FABP6: variants seen among roughly 807,000 people sequenced by gnomAD.
FABP6 encodes gastrotropin.
Under a neutral mutation model 14.9 loss-of-function variants are expected in FABP6, and 13 were observed. That is an observed-to-expected ratio of 0.87 (90% CI 0.57 to 1.39). The LOEUF is 1.39. Ranked by LOEUF, FABP6 falls within the 40% of genes most tolerant of loss-of-function variation. The pLI, the probability that FABP6 is intolerant of heterozygous loss-of-function variation, is 0.00. For synonymous variants in FABP6, 75 were observed against 63.6 expected, an observed-to-expected ratio of 1.18 and a Z score of -0.85; for missense variants, 161 against 167.2, an observed-to-expected ratio of 0.96 and a Z score of 0.20.
chr5:160,235,469 G>A (rs116568338), intron 3 of FABP6, among the ~76,000 whole-genome samples: 2,164 of 152,252 alleles, frequency 0.014, 48 homozygotes, highest in African/African-American at 0.05. Context: ...CACACATCTG[G>A]GGACCCACTC....
chr5:160,187,479 G>A (rs1186739320), intron 1 of FABP6: 2 of 152,162 alleles, frequency 1.3e-5, no homozygotes, highest in African/African-American at 2.4e-5. Context: ...CAGGGAAGAG[G>A]GGAGGCTCCA....
intron 3 of FABP6, among the ~76,000 whole-genome samples, chr5:160,235,598 G>A (rs947614790): frequency 3.9e-5 from 6 of 152,222 alleles, no homozygotes; most frequent in South Asian, 2.1e-4. Context: ...GGGAAAAGAA[G>A]GCATTTCCAT....
chr5:160,206,840 G>C (rs939174092), intron 2 of FABP6, among the ~76,000 whole-genome samples: 3 of 152,164 alleles, frequency 2.0e-5, no homozygotes, highest in African/African-American at 7.2e-5. Context: ...GCTTGGACAT[G>C]CACGGCAGCA....
chr5:160,214,771 T>C (rs549191542), intron 3 of FABP6, among the ~76,000 whole-genome samples: 128 of 150,478 alleles, frequency 8.5e-4, no homozygotes, highest in African/African-American at 3.0e-3. Flanking sequence ...ATGGGCAACA[T>C]AGGGAGACCC....
chr5:160,207,027 G>A (rs941050923), intron 2 of FABP6, among the ~76,000 whole-genome samples: 1 of 152,222 alleles, frequency 6.6e-6, no homozygotes, highest in Non-Finnish European at 1.5e-5. Context: ...AAATAATTGA[G>A]TTAGACGTTG....
At chr5:160,201,979 G>A (rs540096241) in intron 2 of FABP6, among the ~76,000 whole-genome samples, 89 of 152,236 alleles carry the variant, frequency 5.8e-4, no homozygotes, top group African/African-American at 2.1e-3. Flanking sequence ...GCCCAAGCTG[G>A]TCTTGAACTC....
intron 2 of FABP6, among the ~76,000 whole-genome samples, chr5:160,199,508 C>T (rs1019075099): frequency 5.3e-5 from 8 of 152,112 alleles, no homozygotes; most frequent in African/African-American, 1.9e-4. Context: ...CGTGCCAAGC[C>T]GGCCACCAGA....
intron 2 of FABP6, among the ~76,000 whole-genome samples, chr5:160,209,570 C>T (rs1488053286): frequency 6.6e-6 from 1 of 152,100 alleles, no homozygotes; most frequent in African/African-American, 2.4e-5. Flanking sequence ...CAGTGAGCTC[C>T]CCTTGCCATG....
At chr5:160,213,885 T>A in intron 3 of FABP6, 2 of 1,313,630 alleles carry the variant, frequency 1.5e-6, no homozygotes, top group Non-Finnish European at 2.2e-6. Flanking sequence ...TAGTTCCTCA[T>A]GAACCTAGAC....
chr5:160,195,114 G>A (rs1422758180), intron 1 of FABP6, among the ~76,000 whole-genome samples: 5 of 151,796 alleles, frequency 3.3e-5, no homozygotes, highest in Non-Finnish European at 5.9e-5. Context: ...GTGAAACCCC[G>A]ACTCTACTAA....
At chr5:160,213,782 G>A (rs559365139) in exon 3 of FABP6, 2 of 1,613,912 alleles carry the variant, frequency 1.2e-6, no homozygotes, top group Admixed American at 3.3e-5. Context: ...AGCCGGAAAG[G>A]AGACCTGCAG....
intron 3 of FABP6, among the ~76,000 whole-genome samples, chr5:160,217,618 C>CTTAT (rs111335004): frequency 3.2e-4 from 48 of 151,756 alleles, no homozygotes; most frequent in African/African-American, 9.2e-4. Context: ...TTTATTTTAT[C>CTTAT]TTATTTATTT....
At chr5:160,223,923 G>T (rs1194861323) in intron 3 of FABP6, among the ~76,000 whole-genome samples, 12 of 124,478 alleles carry the variant, frequency 9.6e-5, no homozygotes, top group Non-Finnish European at 6.7e-5. Context: ...AACAAAGTGA[G>T]ATCCCATCTC....
chr5:160,191,739 A>T (rs1387107539), intron 1 of FABP6, among the ~76,000 whole-genome samples: 3 of 151,406 alleles, frequency 2.0e-5, no homozygotes, highest in Non-Finnish European at 4.4e-5. Flanking sequence ...AGGCGGGCAG[A>T]TCACAAGGTC....
chr5:160,228,564 T>C, upstream of FABP6: 2 of 456,018 alleles, frequency 4.4e-6, no homozygotes, highest in Admixed American at 4.7e-5. Flanking sequence ...CAGCAGGAAA[T>C]GGAAGTCAAG....
chr5:160,194,957 CACAG>C (rs1228828509), intron 1 of FABP6, among the ~76,000 whole-genome samples: 3 of 152,210 alleles, frequency 2.0e-5, no homozygotes, highest in East Asian at 1.9e-4. Context: ...TGAACAAATA[CACAG>C]ACAGAGTATT....
chr5:160,233,119 T>C (rs1721486125), intron 2 of FABP6, among the ~76,000 whole-genome samples: 1 of 151,242 alleles, frequency 6.6e-6, no homozygotes, highest in Non-Finnish European at 1.5e-5. Flanking sequence ...GTAGCTGGGA[T>C]TACAGGCGTG....
intron 3 of FABP6, among the ~76,000 whole-genome samples, chr5:160,235,773 TTCTCTC>T (rs141776542): frequency 1.3e-5 from 2 of 150,324 alleles, no homozygotes; most frequent in East Asian, 3.9e-4. Context: ...TCTTTGATCC[TTCTCTC>T]TCTCTCTCTC....
At chr5:160,218,950 A>G (rs1007521065) in intron 3 of FABP6, among the ~76,000 whole-genome samples, 35 of 152,158 alleles carry the variant, frequency 2.3e-4, no homozygotes, top group African/African-American at 8.4e-4. Context: ...TTTTAGAGCC[A>G]GGGTCTTACT....
Sources: allele counts gnomAD v4.1 joint callset (sites outside exome capture counted in the v4.1 genomes callset), GRCh38; gene constraint gnomAD v4.1.1; transcripts MANE v1.5; gene names NCBI Gene and HGNC (gene_info 2026-07-23, HGNC 2026-07-21).